Variants in CALN1 observed in about 807,000 individuals in gnomAD.
CALN1 encodes the protein calcium-binding protein 8.
In CALN1, 17 loss-of-function variants were observed where a neutral mutation model predicts 30.6. The ratio of observed to expected loss-of-function variants is 0.56; its 90% CI spans 0.38 to 0.83. The LOEUF (loss-of-function observed/expected upper bound fraction) is 0.83. Ranked by LOEUF, CALN1 falls within the 40% of genes least tolerant of loss-of-function variation. The pLI is 0.00. For synonymous variants in CALN1, 156 were observed against 131.4 expected (o/e 1.19, Z -1.28); for missense variants, 291 against 354.9 (o/e 0.82, Z 1.45).
At chr7:72,130,534 C>T (rs116447620) in intron 3 of CALN1, among the ~76,000 whole-genome samples, 3,632 of 151,916 alleles carry the variant, frequency 0.024, 155 homozygotes, top group African/African-American at 0.083. Context: ...TGGTTTTTGC[C>T]ATTAAAAGTA....
chr7:72,191,405 C>A (rs1034713462), intron 3 of CALN1, among the ~76,000 whole-genome samples: 4 of 151,886 alleles, frequency 2.6e-5, no homozygotes, highest in African/African-American at 9.7e-5. Context: ...AGTTCGAGAC[C>A]AGCCTGGCCA....
chr7:72,195,464 T>C (rs1585137392), intron 3 of CALN1, among the ~76,000 whole-genome samples: 2 of 152,214 alleles, frequency 1.3e-5, no homozygotes, highest in African/African-American at 4.8e-5. Context: ...CAGCCTTGAC[T>C]TCCTTTGCTC....
At chr7:71,795,399 T>C (rs938396929) in intron 6 of CALN1, among the ~76,000 whole-genome samples, 1 of 152,192 alleles carries the variant, frequency 6.6e-6, no homozygotes, top group Non-Finnish European at 1.5e-5. Context: ...CCCTGCTCTA[T>C]AAAAGGGCCT....
In CALN1 at chr7:71,780,756, T is replaced by C. The variant is rs1295237236; in HGVS notation, c.*7019A>G. 1 of 152,112 alleles carries C rather than the reference T, an allele frequency of 6.6e-6. No individual in the cohort carries two copies. The highest frequency in any genetic ancestry group is 1.9e-4 in the East Asian group (1 of 5,184). 9.4% of individuals were successfully genotyped at this position (152,112 alleles called of 1,614,324 possible). A position where few individuals can be genotyped will look rare whatever the true frequency, so the allele number is the denominator to read the frequency against. The stretch of plus-strand genomic sequence containing the variant: ...AATTGTGCTCTTTATTCAGTAGCTT[T>C]CAGTAAGGCTTTCTCAAATGGAGAA... On this transcript the variant is annotated 3_prime_UTR_variant, in exon 7 of 7. Transcript: ENST00000395275.
intron 5 of CALN1, among the ~76,000 whole-genome samples, chr7:71,866,244 T>A (rs1420087127): frequency 6.6e-6 from 1 of 151,976 alleles, no homozygotes; most frequent in Non-Finnish European, 1.5e-5. Flanking sequence ...CCTGACCTCG[T>A]GATCCACCCG....
chr7:72,052,939 A>C (rs185163827), intron 4 of CALN1, among the ~76,000 whole-genome samples: 3 of 140,106 alleles, frequency 2.1e-5, no homozygotes, highest in Non-Finnish European at 4.9e-5. Flanking sequence ...CAGCACTTTG[A>C]GAGGCCAAGG....
At chr7:71,936,491 G>T (rs1251236817) in intron 5 of CALN1, among the ~76,000 whole-genome samples, 1 of 152,002 alleles carries the variant, frequency 6.6e-6, no homozygotes, top group Non-Finnish European at 1.5e-5. Flanking sequence ...GATGATACTG[G>T]AACCATCTTC....
intron 5 of CALN1, among the ~76,000 whole-genome samples, chr7:71,818,910 A>G (rs1788427609): frequency 6.6e-6 from 1 of 151,922 alleles, no homozygotes; most frequent in African/African-American, 2.4e-5. Flanking sequence ...GGGTTTCACC[A>G]TATTGGCCAG....
intron 2 of CALN1, among the ~76,000 whole-genome samples, chr7:72,353,623 A>G (rs532346730): frequency 6.6e-6 from 1 of 152,170 alleles, no homozygotes; most frequent in Non-Finnish European, 1.5e-5. Flanking sequence ...CATCACACAA[A>G]ATGGTTAAAA....
At chr7:72,439,790 G>A (rs2129564345) in intron 1 of CALN1, among the ~76,000 whole-genome samples, 1 of 152,024 alleles carries the variant, frequency 6.6e-6, no homozygotes, top group South Asian at 2.1e-4. Flanking sequence ...TCTTGGCCAG[G>A]CTGGTCTTGA....
chr7:72,356,083 C>A (rs1803205282), intron 2 of CALN1, among the ~76,000 whole-genome samples: 1 of 152,154 alleles, frequency 6.6e-6, no homozygotes, highest in African/African-American at 2.4e-5. Context: ...CAAAATATTA[C>A]ACTGTATCCC....
At chr7:72,459,104 A>C in the CALN1 span, among the ~76,000 whole-genome samples, 1 of 151,112 alleles carries the variant, frequency 6.6e-6, no homozygotes, top group Non-Finnish European at 1.5e-5. Context: ...GGGTTTCACC[A>C]TGTTGGCCAG....
chr7:72,365,146 A>G (rs1803806661), intron 2 of CALN1, among the ~76,000 whole-genome samples: 1 of 152,196 alleles, frequency 6.6e-6, no homozygotes. Flanking sequence ...CTCTACTAAA[A>G]ATACAAAAAT....
chr7:72,098,995 A>G (rs1293537136), intron 4 of CALN1, among the ~76,000 whole-genome samples: 1 of 152,168 alleles, frequency 6.6e-6, no homozygotes, highest in Non-Finnish European at 1.5e-5. Flanking sequence ...CCAGTGAGCC[A>G]CCTAATGAAA....
chr7:72,182,875 G>A (rs1209611148), intron 3 of CALN1, among the ~76,000 whole-genome samples: 1 of 152,126 alleles, frequency 6.6e-6, no homozygotes. Context: ...GACAGGTTTT[G>A]TGTGGCCGGA....
Position 71,787,587 on chromosome 7 carries a change from C to T in CALN1, c.*188G>A. 1 of 647,928 alleles carries T rather than the reference C, an allele frequency of 1.5e-6. No individual in the cohort carries two copies. Among genetic ancestry groups the T allele is most frequent in the Non-Finnish European group, 2.5e-6 (1 of 404,014 alleles). The allele number at this position is 647,928 out of a possible 1,614,324, so 40.1% of individuals were successfully genotyped here. A position where few individuals can be genotyped will look rare whatever the true frequency, so the allele number is the denominator to read the frequency against. On this transcript the variant is annotated 3_prime_UTR_variant, in exon 7 of 7. Coordinates refer to ENST00000395275, the MANE Select transcript of CALN1 (RefSeq NM_031468.4). ...GCACTGAAGACAGCCCTTTAGTGTC[C>T]CTGCCAAGGAGATGAAGCTGAAGTG...
chr7:71,832,767 AT>A lies in CALN1; in HGVS notation c.502-22276del, dbSNP rs140779066. 9.1e-3 allele frequency among the ~76,000 whole-genome samples: 1,254 copies of A among 137,738 alleles called. 2 individuals are homozygous for A. The highest frequency in any genetic ancestry group is 0.019 in the African/African-American group (708 of 37,684). 90.4% of individuals were successfully genotyped at this position (137,738 alleles called of 152,430 possible). On this transcript the variant is annotated intron_variant, in intron 5 of 6. Transcript: ENST00000395275. ...AGGCCTGCACTATCACGCCAGGCTA[AT>A]TTTTTTTTTTTTTTTTTGGTAAAGA...
chr7:72,007,130 G>A (rs779387892), intron 5 of CALN1, among the ~76,000 whole-genome samples: 4 of 152,152 alleles, frequency 2.6e-5, no homozygotes, highest in African/African-American at 7.2e-5. Flanking sequence ...AGGACTGTTC[G>A]GAATAAAGAC....
chr7:72,393,207 C>T (rs1372959642), intron 2 of CALN1, among the ~76,000 whole-genome samples: 1 of 152,092 alleles, frequency 6.6e-6, no homozygotes, highest in Non-Finnish European at 1.5e-5. Context: ...GTGGCTCACA[C>T]CTGTAATCCC....
Sources: allele counts gnomAD v4.1 joint callset (sites outside exome capture counted in the v4.1 genomes callset), GRCh38; gene constraint gnomAD v4.1.1; transcripts MANE v1.5; gene names NCBI Gene and HGNC (gene_info 2026-07-23, HGNC 2026-07-21).